EPC2: variants seen among roughly 807,000 people sequenced by gnomAD.
EPC2 encodes enhancer of polycomb homolog 2.
A neutral mutation model predicts 92.1 loss-of-function variants in EPC2; 14 were observed. The observed-to-expected ratio is 0.15, with a 90% CI of 0.10 to 0.24. EPC2 has a LOEUF of 0.24. EPC2 is among the 10% of genes least tolerant of loss of function. The pLI is 1.00. For synonymous variants in EPC2, 340 were observed against 334.7 expected (o/e 1.02, Z -0.17); for missense variants, 755 against 971.5 (o/e 0.78, Z 2.96).
chr2:148,774,883 T>C (rs1360136428), intron 10 of EPC2, among the ~76,000 whole-genome samples: 2 of 151,060 alleles, frequency 1.3e-5, no homozygotes, highest in Non-Finnish European at 3.0e-5. Context: ...GTCAGGAGAT[T>C]GAGACCATCC....
At position 148,679,070 on chromosome 2, in the gene EPC2, C is replaced by T. The variant is rs182146904; in HGVS notation, c.154-11144C>T. Among the ~76,000 whole-genome samples, 621 of 152,272 alleles carry T rather than the reference C, an allele frequency of 4.1e-3. 4 individuals are homozygous for T. The highest frequency in any genetic ancestry group is 6.6e-3 in the Non-Finnish European group (446 of 68,022). On this transcript the variant is annotated intron_variant, in intron 1 of 13. Coordinates refer to ENST00000258484, the MANE Select transcript of EPC2 (RefSeq NM_015630.4). The stretch of plus-strand genomic sequence containing the variant: ...TCACTAAAACAAAATAATATTGAAT[C>T]CTCATATATTAAAGATGTATTTTGA...
At chr2:148,745,355 G>A (rs1338830841) in intron 3 of EPC2, among the ~76,000 whole-genome samples, 2 of 152,062 alleles carry the variant, frequency 1.3e-5, no homozygotes, top group African/African-American at 4.8e-5. Context: ...TCTCTGTTCT[G>A]TAATTTGCTT....
chr2:148,662,835 A>T (rs989862429), intron 1 of EPC2, among the ~76,000 whole-genome samples: 29 of 152,010 alleles, frequency 1.9e-4, no homozygotes, highest in Non-Finnish European at 2.8e-4. Context: ...AAATTTTTTT[A>T]AAAACTCTTT....
chr2:148,650,215 A>G (rs1194761161), intron 1 of EPC2, among the ~76,000 whole-genome samples: 1 of 152,088 alleles, frequency 6.6e-6, no homozygotes, highest in Non-Finnish European at 1.5e-5. Flanking sequence ...TTGAGTGTTG[A>G]ATGGGCTTCT....
chr2:148,738,503 A>G (rs1190982247), intron 2 of EPC2, among the ~76,000 whole-genome samples: 1 of 152,234 alleles, frequency 6.6e-6, no homozygotes, highest in African/African-American at 2.4e-5. Flanking sequence ...AATTTAAAGT[A>G]CTTTTGATTG....
At chr2:148,747,385 T>G in intron 3 of EPC2, among the ~76,000 whole-genome samples, 1 of 152,222 alleles carries the variant, frequency 6.6e-6, no homozygotes, top group South Asian at 2.1e-4. Context: ...TCGAATATTT[T>G]ATTTTCACTT....
intron 2 of EPC2, among the ~76,000 whole-genome samples, chr2:148,694,222 A>G (rs1000955608): frequency 6.6e-6 from 1 of 152,216 alleles, no homozygotes; most frequent in African/African-American, 2.4e-5. Context: ...TAGAAATTAA[A>G]AGGTGAGTTC....
intron 6 of EPC2, among the ~76,000 whole-genome samples, chr2:148,764,356 A>C (rs1476524355): frequency 6.6e-6 from 1 of 152,184 alleles, no homozygotes; most frequent in Non-Finnish European, 1.5e-5. Flanking sequence ...GGGGCTGGAA[A>C]CCTACCCCTT....
intron 1 of EPC2, among the ~76,000 whole-genome samples, chr2:148,659,590 A>T (rs969542330): frequency 5.9e-5 from 9 of 152,124 alleles, no homozygotes; most frequent in African/African-American, 1.9e-4. Context: ...CACTAAAGTA[A>T]ATCTAGATAT....
intron 3 of EPC2, among the ~76,000 whole-genome samples, chr2:148,745,583 G>C (rs1171818530): frequency 2.6e-5 from 4 of 152,132 alleles, no homozygotes; most frequent in Non-Finnish European, 4.4e-5. Flanking sequence ...TCTAGGCTGT[G>C]AAACAAGTAG....
At chr2:148,678,577 C>T (rs1216961224) in intron 1 of EPC2, among the ~76,000 whole-genome samples, 7 of 152,240 alleles carry the variant, frequency 4.6e-5, no homozygotes, top group African/African-American at 9.6e-5. Flanking sequence ...TGCGAGAAAT[C>T]GAGCGCAGCA....
At chr2:148,684,977 A>C (rs1471695476) in intron 1 of EPC2, among the ~76,000 whole-genome samples, 1 of 152,076 alleles carries the variant, frequency 6.6e-6, no homozygotes, top group Non-Finnish European at 1.5e-5. Context: ...TGTTTTTCTG[A>C]TTACTAATGA....
At chr2:148,670,059 C>G (rs920914430) in intron 1 of EPC2, among the ~76,000 whole-genome samples, 4 of 152,248 alleles carry the variant, frequency 2.6e-5, no homozygotes, top group African/African-American at 9.6e-5. Context: ...GTACTCTGTC[C>G]TATGAACCTT....
intron 2 of EPC2, among the ~76,000 whole-genome samples, chr2:148,721,542 T>C (rs1329639077): frequency 6.6e-6 from 1 of 152,068 alleles, no homozygotes; most frequent in Non-Finnish European, 1.5e-5. Flanking sequence ...TTTATTTTTG[T>C]TTTGGCTTTT....
rs1301822027 is a variant in EPC2 at position 148,776,688 on chromosome 2, C to T, written c.1721-4956C>T. Among the ~76,000 whole-genome samples the T allele has an allele frequency of 2.0e-5, 3 of 151,986 alleles. No homozygotes were observed. In the East Asian group the frequency reaches 5.8e-4, roughly 29 times the overall value. On this transcript the variant is annotated intron_variant, in intron 10 of 13. Coordinates refer to ENST00000258484, the MANE Select transcript of EPC2 (RefSeq NM_015630.4). ...TGCCCTTTAAAACAGACAAAAATTG[C>T]ATATAGTCAGCATATCTTTGAGAAA...
At chr2:148,707,140 G>A (rs893894013) in intron 2 of EPC2, among the ~76,000 whole-genome samples, 102 of 152,250 alleles carry the variant, frequency 6.7e-4, no homozygotes, top group African/African-American at 2.4e-3. Flanking sequence ...TCAAAATAAA[G>A]GGATGGAGGA....
chr2:148,768,228 G>A (rs1365002682), intron 7 of EPC2, among the ~76,000 whole-genome samples: 1 of 152,190 alleles, frequency 6.6e-6, no homozygotes, highest in Non-Finnish European at 1.5e-5. Flanking sequence ...TCTACAAAGT[G>A]AGAGTGCGAG....
intron 1 of EPC2, among the ~76,000 whole-genome samples, chr2:148,678,201 C>G (rs1464776615): frequency 6.6e-6 from 1 of 152,142 alleles, no homozygotes; most frequent in Non-Finnish European, 1.5e-5. Context: ...AAACCTTGAG[C>G]TAGACACAGG....
At chr2:148,739,970 T>C (rs1682849349) in intron 2 of EPC2, among the ~76,000 whole-genome samples, 1 of 151,270 alleles carries the variant, frequency 6.6e-6, no homozygotes, top group Admixed American at 6.6e-5. Flanking sequence ...CATCAAGAAG[T>C]TGTCAAGTGT....
Sources: gnomAD v4.1 joint callset for allele counts (sites outside exome capture counted in the v4.1 genomes callset) on GRCh38, gnomAD v4.1.1 for gene constraint, MANE v1.5 for transcripts, NCBI Gene and HGNC (gene_info 2026-07-23, HGNC 2026-07-21) for gene names.